The following PCDH18 variants were observed in gnomAD, a reference collection of about 807,000 sequenced individuals.
PCDH18 encodes the protein protocadherin 18.
In PCDH18, 38 loss-of-function variants were observed where a neutral mutation model predicts 71.5. The observed-to-expected ratio is 0.53, with a 90% confidence interval of 0.41 to 0.70. PCDH18 has a LOEUF of 0.70. PCDH18 is among the 30% of genes least tolerant of loss of function. The pLI, the probability that PCDH18 is intolerant of heterozygous loss-of-function variation, is 0.00. For missense variants in PCDH18, 1,334 were observed against 1,384.6 expected (o/e 0.96, Z 0.58); for synonymous variants, 565 against 505.4 (o/e 1.12, Z -1.58).
chr4:137,526,770 G>T (rs1731474779), intron 3 of PCDH18, among the ~76,000 whole-genome samples: 1 of 151,748 alleles, frequency 6.6e-6, no homozygotes, highest in Non-Finnish European at 1.5e-5. Flanking sequence ...TAAGTCTTTA[G>T]AACATAAGAA....
Position 137,529,554 on chromosome 4 carries a change from A to G in PCDH18, c.2487+48T>C. The stretch of plus-strand genomic sequence containing the variant: ...AAGAACTAGTAAACACAATTCCTGA[A>G]CACTAACACCTAACATTGCAATGAA... On this transcript the variant is annotated intron_variant, in intron 1 of 3. Coordinates refer to ENST00000344876, the MANE Select transcript of PCDH18 (RefSeq NM_019035.5). 2.3e-6 allele frequency: 3 copies of G among 1,322,818 alleles called. No homozygotes were observed. The South Asian group carries it at 4.1e-5, about 18-fold the overall frequency. The allele number at this position is 1,322,818 out of a possible 1,614,324, so 81.9% of individuals were successfully genotyped here. A position where few individuals can be genotyped will look rare whatever the true frequency, so the allele number is the denominator to read the frequency against.
rs774471611 is a variant in PCDH18 at position 137,531,271 on chromosome 4, G to C, written c.818C>G (p.Pro273Arg). 5.8e-5 allele frequency: 94 copies of C among 1,613,888 alleles called. 1 individual carries two copies. The South Asian group carries it at 9.6e-4, about 16-fold the overall frequency. ...TLLLDLNATD[P>R]DEGANGKIVY... The stretch of plus-strand genomic sequence containing the variant: ...AATTTTCCCATTAGCGCCCTCATCT[G>C]GATCCGTGGCATTCAGATCTAAGAG... Residue 273 changes from proline (P) to arginine (R), a missense_variant, in exon 1 of 4, where the codon CCA (proline) becomes CGA (arginine). By Grantham distance (103) the Pro-to-Arg change is moderately radical (BLOSUM62 -2). Transcript: ENST00000344876.
rs777481355 is a variant in PCDH18 at position 137,519,197 on chromosome 4, A to G, written c.*1832T>C. 6.6e-6 allele frequency: 1 copy of G among 152,170 alleles called. No homozygotes were observed. Among genetic ancestry groups the G allele is most frequent in the Non-Finnish European group, 1.5e-5 (1 of 68,028 alleles). The allele number at this position is 152,170 out of a possible 1,614,324, so 9.4% of individuals were successfully genotyped here. A position where few individuals can be genotyped will look rare whatever the true frequency, so the allele number is the denominator to read the frequency against. On this transcript the variant is annotated 3_prime_UTR_variant, in exon 4 of 4. Coordinates refer to ENST00000344876, the MANE Select transcript of PCDH18 (RefSeq NM_019035.5). ...TATAAAGGAAAATGTGCCTGTTGAA[A>G]GAGGTAATATATTCTATTTAATGTG...
At position 137,521,730 on chromosome 4, in the gene PCDH18, T is replaced by C. The variant is rs1386154804; in HGVS notation, c.2741-34A>G. 2.0e-6 allele frequency: 3 copies of C among 1,504,972 alleles called. No individual in the cohort carries two copies. The African/African-American group carries it at 4.1e-5, about 21-fold the overall frequency. The allele number at this position is 1,504,972 out of a possible 1,614,324, so 93.2% of individuals were successfully genotyped here. On this transcript the variant is annotated intron_variant, in intron 3 of 3. Transcript: ENST00000344876. ...AAGAAAAACAGTGGGGATTCATTAT[T>C]ATACTTAGCACGATTCAAAATGATG...
intron 2 of PCDH18, 32 bp downstream of exon 2, chr4:137,528,700 A>G: frequency 6.2e-7 from 1 of 1,607,334 alleles, no homozygotes; most frequent in Non-Finnish European, 8.5e-7. Context: ...TTTATGTTGA[A>G]ACTTAATAGG....
chr4:137,529,655 G>A lies in PCDH18; in HGVS notation c.2434C>T (p.His812Tyr). The A allele has an allele frequency of 6.2e-7, 1 of 1,613,488 alleles. No individual in the cohort carries two copies. Among genetic ancestry groups the A allele is most frequent in the Non-Finnish European group, 8.5e-7 (1 of 1,179,662 alleles). Residue 812 changes from histidine to tyrosine, a missense_variant, in exon 1 of 4, where the codon CAC becomes TAC. Physicochemically the swap from His to Tyr is moderately conservative, Grantham distance 83 (BLOSUM62 2). This residue lies in a region of PCDH18 where 1,011 missense variants were observed against 1,048.0 expected (regional missense o/e 0.96). Coordinates refer to ENST00000344876, the MANE Select transcript of PCDH18 (RefSeq NM_019035.5). ...TCTAATGAGAAATTCTCTGGCACGT[G>A]GTTTGATGAGATTGTCACCAAACTG... ...LNSLVTISSN[H>Y]VPENFSLELT...
In PCDH18 at chr4:137,531,653, T is replaced by C. The variant is rs1731704582; in HGVS notation, c.436A>G (p.Ile146Val). 1.9e-6 allele frequency: 3 copies of C among 1,613,898 alleles called. No individual in the cohort carries two copies. The highest frequency in any genetic ancestry group is 1.3e-5 in the African/African-American group (1 of 74,916). Residue 146 changes from isoleucine (I) to valine (V), a missense_variant, in exon 1 of 4, where the codon ATA (isoleucine) becomes GTA (valine). Coordinates refer to ENST00000344876, the MANE Select transcript of PCDH18 (RefSeq NM_019035.5). ...QFSRSLIPIE[I>V]SESAAVGTRI... Reference sequence around the variant, plus strand: ...GTCCCAACTGCTGCACTCTCAGATATCTCAATAGGTATGAGAGATCTTGAA... The same window carrying C: ...GTCCCAACTGCTGCACTCTCAGATACCTCAATAGGTATGAGAGATCTTGAA...
At chr4:137,521,761 A>T in intron 3 of PCDH18, 65 bp from the exon 4 acceptor site, 1 of 1,210,882 alleles carries the variant, frequency 8.3e-7, no homozygotes, top group East Asian at 2.4e-5. Flanking sequence ...TGATGCAAAA[A>T]TGCAATTTTA....
At chr4:137,529,120 A>G (rs1731568322) in intron 1 of PCDH18, 2 of 384,270 alleles carry the variant, frequency 5.2e-6, no homozygotes, top group East Asian at 4.6e-5. Context: ...GACCACCTGT[A>G]AAAATACATG....
At chr4:137,526,550 T>G (rs2149213814) in intron 3 of PCDH18, among the ~76,000 whole-genome samples, 1 of 152,132 alleles carries the variant, frequency 6.6e-6, no homozygotes, top group African/African-American at 2.4e-5. Context: ...TTCAGAGATT[T>G]CTCTTCAAAT....
intron 3 of PCDH18, among the ~76,000 whole-genome samples, chr4:137,522,010 A>T (rs1731316600): frequency 6.6e-6 from 1 of 152,206 alleles, no homozygotes; most frequent in South Asian, 2.1e-4. Context: ...GTGAGTGATG[A>T]AATAAGTGCT....
In PCDH18 at chr4:137,519,347, A is replaced by G. The variant is rs1053542965; in HGVS notation, c.*1682T>C. On this transcript the variant is annotated 3_prime_UTR_variant, in exon 4 of 4. Transcript: ENST00000344876. ...TATTCTTGCCTCCTGGAAACATTGT[A>G]AGGATACCTTTTTATCCTGCACAAT... is the stretch of plus-strand genomic sequence containing the variant. The G allele has an allele frequency of 6.6e-6, 1 of 152,198 alleles. No homozygotes were observed. The highest frequency in any genetic ancestry group is 1.5e-5 in the Non-Finnish European group (1 of 68,034). 9.4% of individuals were successfully genotyped at this position (152,198 alleles called of 1,614,324 possible). A position where few individuals can be genotyped will look rare whatever the true frequency, so the allele number is the denominator to read the frequency against.
At chr4:137,529,217 T>C (rs1235139800) in intron 1 of PCDH18, 3 of 251,362 alleles carry the variant, frequency 1.2e-5, no homozygotes, top group African/African-American at 4.5e-5. Context: ...ATAGCATGCA[T>C]TGAAATAGAA....
chr4:137,525,996 C>G (rs1731443161), intron 3 of PCDH18, among the ~76,000 whole-genome samples: 1 of 151,876 alleles, frequency 6.6e-6, no homozygotes, highest in Non-Finnish European at 1.5e-5. Context: ...CTATGTCTAC[C>G]TATTGTTTCG....
In PCDH18 at chr4:137,521,402, A is replaced by T. The variant is rs774619713; in HGVS notation, c.3035T>A (p.Phe1012Tyr). ...CAGGGAAGGCGGTAAGAGACGCTGG[A>T]ACACACTGCTCATTTCCGAGAGCAG... ...SSLLSEMSSV[F>Y]QRLLPPSLDT... Residue 1012 changes from phenylalanine (F) to tyrosine (Y), a missense_variant, in exon 4 of 4, where the codon TTC becomes TAC. Physicochemically the swap from Phe to Tyr is conservative, Grantham distance 22. This residue lies in a region of PCDH18 where 319 missense variants were observed against 316.3 expected (regional missense o/e 1.01). Transcript: ENST00000344876. 1 of 1,614,068 alleles carries T rather than the reference A, an allele frequency of 6.2e-7. No individual in the cohort carries two copies. Among genetic ancestry groups the T allele is most frequent in the Non-Finnish European group, 8.5e-7 (1 of 1,180,032 alleles).
rs1326346352 is a variant in PCDH18, at chr4:137,521,277, CT to C, written c.3159del (p.Ala1054ArgfsTer86). 6.2e-7 allele frequency: 1 copy of C among 1,614,096 alleles called. No homozygotes were observed. The highest frequency in any genetic ancestry group is 1.3e-5 in the African/African-American group (1 of 74,952). On this transcript the variant is annotated frameshift_variant, in exon 4 of 4. Transcript: ENST00000344876. LOFTEE classifies it high-confidence loss of function. ...PAKTVGYPQG[V>X]AAWAASTHFQ... ...AAATGCGTACTGGCTGCCCATGCCG[CT>C]ACCCCCTGTGGGTAACCCACAGTTT...
At position 137,519,060 on chromosome 4, in the gene PCDH18, T is replaced by C. The variant is rs1338706779; in HGVS notation, c.*1969A>G. 1 of 152,208 alleles carries C rather than the reference T, an allele frequency of 6.6e-6. No individual in the cohort carries two copies. The highest frequency in any genetic ancestry group is 1.9e-4 in the East Asian group (1 of 5,190). 9.4% of individuals were successfully genotyped at this position (152,208 alleles called of 1,614,324 possible). A position where few individuals can be genotyped will look rare whatever the true frequency, so the allele number is the denominator to read the frequency against. On this transcript the variant is annotated 3_prime_UTR_variant, in exon 4 of 4. Coordinates refer to ENST00000344876, the MANE Select transcript of PCDH18 (RefSeq NM_019035.5). ...AAGTCTTTTTCTTAATGGTAATATA[T>C]ACTGAAAGGAAGTGAAGTTGAAAGG... is the stretch of plus-strand genomic sequence containing the variant.
Position 137,521,438 on chromosome 4 carries a change from C to CT in PCDH18, c.2998dup (p.Ser1000LysfsTer26). On this transcript the variant is annotated frameshift_variant, in exon 4 of 4. Coordinates refer to ENST00000344876, the MANE Select transcript of PCDH18 (RefSeq NM_019035.5). LOFTEE classifies it high-confidence loss of function. ...CATTTCCGAGAGCAGAGATGATGTG[C>CT]TGGTATCCCCAGTGTCCTCATCGTT... 1 of 1,614,206 alleles carries CT rather than the reference C, an allele frequency of 6.2e-7. No homozygotes were observed. Among genetic ancestry groups the CT allele is most frequent in the Non-Finnish European group, 8.5e-7 (1 of 1,180,022 alleles).
rs1211660221 is a variant in PCDH18, at chr4:137,520,032, A to T, written c.*997T>A. 2 of 152,642 alleles carry T rather than the reference A, an allele frequency of 1.3e-5. No individual in the cohort carries two copies. The highest frequency in any genetic ancestry group is 2.4e-5 in the African/African-American group (1 of 41,462). 9.5% of individuals were successfully genotyped at this position (152,642 alleles called of 1,614,324 possible). A position where few individuals can be genotyped will look rare whatever the true frequency, so the allele number is the denominator to read the frequency against. ...TGAATAGTTATAACAAAGAAAGACA[A>T]TATTCCAAAAGATTAAAATGTTCAA... On this transcript the variant is annotated 3_prime_UTR_variant, in exon 4 of 4. Transcript: ENST00000344876.
Sources: allele counts gnomAD v4.1 joint callset (sites outside exome capture counted in the v4.1 genomes callset), GRCh38; gene constraint gnomAD v4.1.1; regional missense constraint gnomAD v4.1.1; transcripts MANE v1.5; gene names NCBI Gene and HGNC (gene_info 2026-07-23, HGNC 2026-07-21).